The following NFIC variants were observed in gnomAD, a reference collection of about 807,000 sequenced individuals.
NFIC encodes the protein nuclear factor 1 C-type.
A neutral mutation model predicts 54.4 loss-of-function variants in NFIC; 12 were observed. The observed-to-expected ratio is 0.22, with a 90% CI of 0.14 to 0.36. NFIC has a LOEUF of 0.36. NFIC is among the 10% of genes least tolerant of loss of function. The pLI, the probability that NFIC is intolerant of heterozygous loss-of-function variation, is 1.00. For synonymous variants in NFIC, 322 were observed against 319.2 expected, an observed-to-expected ratio of 1.01 and a Z score of -0.09; for missense variants, 575 against 718.2, an observed-to-expected ratio of 0.80 and a Z score of 2.28.
chr19:3,467,807 T>C lies in NFIC; in HGVS notation c.*5038T>C, dbSNP rs1163148505. 2.6e-5 allele frequency: 3 copies of C among 114,896 alleles called. No homozygotes were observed. The highest frequency in any genetic ancestry group is 5.1e-5 in the Non-Finnish European group (3 of 59,080). 7.1% of individuals were successfully genotyped at this position (114,896 alleles called of 1,614,324 possible). On this transcript the variant is annotated 3_prime_UTR_variant, in exon 11 of 11. Transcript: ENST00000443272. Reference sequence around the variant, plus strand: ...TATATATAATTTTGGAATTTGTTTCTCATAATACAGAATATATAGTGGCTA... The same window carrying C: ...TATATATAATTTTGGAATTTGTTTCCCATAATACAGAATATATAGTGGCTA...
intron 2 of NFIC, among the ~76,000 whole-genome samples, chr19:3,406,459 C>G (rs751225818): frequency 6.6e-6 from 1 of 151,716 alleles, no homozygotes; most frequent in East Asian, 1.9e-4. Context: ...AACTTCTGAC[C>G]TCAAGTGATC....
chr19:3,432,190 C>T (rs1041826913), intron 3 of NFIC, among the ~76,000 whole-genome samples: 7 of 152,148 alleles, frequency 4.6e-5, no homozygotes, highest in African/African-American at 7.2e-5. Context: ...GGGACAACTT[C>T]GATTTCCAAA....
Position 3,456,627 on chromosome 19 carries a change from C to T in NFIC, c.1501C>T (p.Gln501Ter). The change falls in exon 10 of 11, where the codon CAG becomes TAG. Residue 501 changes from glutamine to a stop codon, truncating the protein, a stop_gained. Coordinates refer to ENST00000443272, the MANE Select transcript of NFIC (RefSeq NM_001245002.2). LOFTEE classifies it high-confidence loss of function. ...LGPRDPAGIY[Q>*]AQSWYLG ...ACCAAGGGATCCTGCGGGCATTTAT[C>T]AGGCACAGGTAGGGGCCGAGAGGCC... 6.4e-7 allele frequency: 1 copy of T among 1,552,274 alleles called. No homozygotes were observed. Among genetic ancestry groups the T allele is most frequent in the East Asian group, 2.4e-5 (1 of 41,016 alleles).
intron 6 of NFIC, among the ~76,000 whole-genome samples, chr19:3,441,130 C>T (rs1164557454): frequency 6.6e-6 from 1 of 152,202 alleles, no homozygotes; most frequent in East Asian, 1.9e-4. Flanking sequence ...TCTCTATGTC[C>T]CTTCCCAACA....
Position 3,449,086 on chromosome 19 carries a change from C to T in NFIC, c.1031C>T (p.Pro344Leu). The T allele has an allele frequency of 6.2e-7, 1 of 1,613,772 alleles. No individual in the cohort carries two copies. Among genetic ancestry groups the T allele is most frequent in the Non-Finnish European group, 8.5e-7 (1 of 1,179,850 alleles). The change falls in exon 7 of 11, where the codon CCC becomes CTC. Residue 344 changes from proline to leucine, a missense_variant. Pro to Leu is a moderately conservative substitution (Grantham distance 98). Transcript: ENST00000443272. ...PFNSPSPQDS[P>L]RLSSFTQHHR... ...AACAGCCCGTCCCCCCAGGACTCTC[C>T]CCGCCTCTCCAGCTTCACCCAGCAC...
chr19:3,413,513 C>T (rs1272251574), intron 2 of NFIC, among the ~76,000 whole-genome samples: 2 of 152,138 alleles, frequency 1.3e-5, no homozygotes, highest in African/African-American at 2.4e-5. Flanking sequence ...GTTTCCCCAG[C>T]TGGCGATTAC....
intron 1 of NFIC, 148 bp from the exon 2 acceptor site, chr19:3,381,564 C>G: frequency 8.1e-7 from 1 of 1,240,928 alleles, no homozygotes; most frequent in South Asian, 1.6e-5. Context: ...GTGCACGGGT[C>G]CGCAGCGACC....
Position 3,381,859 on chromosome 19 carries a change from G to T in NFIC, c.178G>T (p.Glu60Ter), listed in dbSNP as rs760444142. Reference protein sequence around the residue: ...SKDEERAVKDELLGEKPEVKQ... With the variant: ...SKDEERAVKD ...GGACGAGGAGCGTGCGGTCAAGGAC[G>T]AGCTGCTGGGCGAGAAGCCCGAGGT... Residue 60 changes from glutamate to a stop codon, truncating the protein, a stop_gained, in exon 2 of 11, where the codon GAG becomes TAG. Transcript: ENST00000443272. LOFTEE classifies it high-confidence loss of function. 1 of 1,614,008 alleles carries T rather than the reference G, an allele frequency of 6.2e-7. No homozygotes were observed. Among genetic ancestry groups the T allele is most frequent in the Non-Finnish European group, 8.5e-7 (1 of 1,179,964 alleles).
At chr19:3,448,868 C>T (rs1328505819) in intron 6 of NFIC, 146 bp from the exon 7 acceptor site, 102 of 1,288,388 alleles carry the variant, frequency 7.9e-5, no homozygotes, top group Non-Finnish European at 1.1e-4. Context: ...GTGTAATGGG[C>T]TCACAGCCTC....
chr19:3,385,232 C>T (rs1419457366), intron 2 of NFIC, among the ~76,000 whole-genome samples: 2 of 147,590 alleles, frequency 1.4e-5, no homozygotes, highest in African/African-American at 2.5e-5. Context: ...CTGCCCACTG[C>T]GGGTGCTCCA....
Position 3,381,906 on chromosome 19 carries a change from G to A in NFIC, c.225G>A (p.Arg75=). ...AGGTCAAGCAGAAGTGGGCGTCGCG[G>A]CTGCTGGCCAAGCTGCGCAAGGACA... ...KPEVKQKWAS[R]LLAKLRKDIR... The change falls in exon 2 of 11, where the codon CGG becomes CGA. Residue 75 remains arginine, a synonymous_variant. Transcript: ENST00000443272. 1 of 1,613,796 alleles carries A rather than the reference G, an allele frequency of 6.2e-7. No homozygotes were observed. The highest frequency in any genetic ancestry group is 8.5e-7 in the Non-Finnish European group (1 of 1,179,938).
At chr19:3,446,749 G>C (rs1451089696) in intron 6 of NFIC, among the ~76,000 whole-genome samples, 1 of 152,140 alleles carries the variant, frequency 6.6e-6, no homozygotes, top group African/African-American at 2.4e-5. Flanking sequence ...AGCTTCTCTG[G>C]GGCCAGGCAC....
Position 3,456,653 on chromosome 19 carries a change from G to A in NFIC, c.1509+18G>A, listed in dbSNP as rs752415093. ...AGGCACAGGTAGGGGCCGAGAGGCC[G>A]GCTGGTGGGGTGGGAGGGGCAGGGC... is the stretch of plus-strand genomic sequence containing the variant. On this transcript the variant is annotated intron_variant, in intron 10 of 10. Coordinates refer to ENST00000443272, the MANE Select transcript of NFIC (RefSeq NM_001245002.2). 2.6e-5 allele frequency: 40 copies of A among 1,546,324 alleles called. No individual in the cohort carries two copies. Among genetic ancestry groups the A allele is most frequent in the Admixed American group, 5.9e-5 (3 of 50,986 alleles).
rs2082497860 is a variant in NFIC, at chr19:3,453,338, C to T, written c.1270-425C>T. Among the ~76,000 whole-genome samples, 1 of 152,200 alleles carries T rather than the reference C, an allele frequency of 6.6e-6. No individual in the cohort carries two copies. The highest frequency in any genetic ancestry group is 1.5e-5 in the Non-Finnish European group (1 of 68,048). ...GCAAGACAGCGTTTGCCAGACTCCA[C>T]AGGAAGCTTTGGATGTTCAGAGCTT... On this transcript the variant is annotated intron_variant, in intron 8 of 10. Transcript: ENST00000443272. The surrounding 1 kb of genome is among the most constrained non-coding windows in gnomAD (Gnocchi z 6.7).
intron 2 of NFIC, among the ~76,000 whole-genome samples, chr19:3,403,811 T>A (rs1225894484): frequency 6.6e-6 from 1 of 151,774 alleles, no homozygotes; most frequent in African/African-American, 2.4e-5. Flanking sequence ...GGGAGGGGCC[T>A]CCGCCTCCTC....
intron 2 of NFIC, among the ~76,000 whole-genome samples, chr19:3,420,575 A>T (rs1181152413): frequency 6.6e-6 from 1 of 151,716 alleles, no homozygotes; most frequent in Admixed American, 6.6e-5. Flanking sequence ...AAATAAATAA[A>T]TAAATAAATA....
chr19:3,437,063 G>A lies in NFIC; in HGVS notation c.958+1856G>A, dbSNP rs923918547. On this transcript the variant is annotated intron_variant, in intron 6 of 10. Coordinates refer to ENST00000443272, the MANE Select transcript of NFIC (RefSeq NM_001245002.2). Reference sequence around the variant, plus strand: ...GAAACGGGAGGTCACTGTCATCCACGTCTTTATAACATTCCTGTCTCTGAC... The same window carrying A: ...GAAACGGGAGGTCACTGTCATCCACATCTTTATAACATTCCTGTCTCTGAC... 2.6e-5 allele frequency among the ~76,000 whole-genome samples: 4 copies of A among 151,964 alleles called. No homozygotes were observed. In the East Asian group the frequency reaches 7.8e-4, roughly 29 times the overall value.
In NFIC at chr19:3,459,134, G is replaced by A. The variant is rs1029499402; in HGVS notation, c.1509+2499G>A. 2.0e-5 allele frequency among the ~76,000 whole-genome samples: 3 copies of A among 152,020 alleles called. No individual in the cohort carries two copies. Among genetic ancestry groups the A allele is most frequent in the South Asian group, 2.1e-4 (1 of 4,816 alleles). ...CTGGCCAGTCAGCACTTCTGCCTCC[G>A]CCTCCTCTATTCCTGGCGGATTCGC... On this transcript the variant is annotated intron_variant, in intron 10 of 10. Transcript: ENST00000443272. This position sits in a 1 kb window ranked among gnomAD's most constrained non-coding sequence, Gnocchi z 4.2.
At chr19:3,405,552 G>C (rs182654012) in intron 2 of NFIC, among the ~76,000 whole-genome samples, 1 of 151,858 alleles carries the variant, frequency 6.6e-6, no homozygotes, top group East Asian at 1.9e-4. Context: ...GGAGGATCAG[G>C]GTCCGTACTG....
Sources: allele counts gnomAD v4.1 joint callset (sites outside exome capture counted in the v4.1 genomes callset), GRCh38; gene constraint gnomAD v4.1.1; non-coding constraint Gnocchi (gnomAD v3.1); transcripts MANE v1.5; gene names NCBI Gene and HGNC (gene_info 2026-07-23, HGNC 2026-07-21).